The following MDN1 variants were observed in gnomAD, a reference collection of about 807,000 sequenced individuals.
MDN1 encodes midasin AAA ATPase 1, also known as midasin.
In MDN1, 266 loss-of-function variants were observed where a neutral mutation model predicts 669.2. The ratio of observed to expected loss-of-function variants is 0.40; its 90% CI spans 0.36 to 0.44. The LOEUF is 0.44. Among genes scored for constraint, MDN1 ranks in the 20% least tolerant of loss-of-function variants. The pLI is 1.00. For synonymous variants in MDN1, 2,385 were observed against 2,457.1 expected (o/e 0.97, Z 0.87); for missense variants, 5,940 against 6,754.0 (o/e 0.88, Z 4.22).
intron 1 of MDN1, among the ~76,000 whole-genome samples, chr6:89,819,173 G>A (rs1486604538): frequency 6.6e-6 from 1 of 152,168 alleles, no homozygotes; most frequent in Non-Finnish European, 1.5e-5. Flanking sequence ...TGTCAAAACG[G>A]CAGAAACGCA....
Position 89,690,761 on chromosome 6 carries a change from C to T in MDN1, c.10661G>A (p.Arg3554Lys), listed in dbSNP as rs941387776. Reference protein sequence around the residue: ...EKAEQESGLYRYRSRNSRTAL... With the variant: ...EKAEQESGLYKYRSRNSRTAL... ...TGTCCTAGAGTTCCTGCTCCTGTAT[C>T]TATACAGGCCGCTTTCCTGCTCAGC... The change falls in exon 64 of 102, where the codon AGA becomes AAA. Residue 3554 changes from arginine to lysine, a missense_variant. Arg to Lys is a conservative substitution (Grantham distance 26). This residue lies in a region of MDN1 where 2,280 missense variants were observed against 2,576.3 expected (regional missense o/e 0.88). Transcript: ENST00000369393. 1 of 1,614,128 alleles carries T rather than the reference C, an allele frequency of 6.2e-7. No homozygotes were observed. The highest frequency in any genetic ancestry group is 8.5e-7 in the Non-Finnish European group (1 of 1,179,976).
Position 89,761,647 on chromosome 6 carries a change from C to T in MDN1, c.2458G>A (p.Glu820Lys). The change falls in exon 17 of 102, where the codon GAG (glutamate) becomes AAG (lysine). Residue 820 changes from glutamate to lysine, a missense_variant and splice_region_variant. Around this residue, in one of 5 missense-constraint regions of MDN1, gnomAD observed 1,203 missense variants for 1,268.9 expected, o/e 0.95. Coordinates refer to ENST00000369393, the MANE Select transcript of MDN1 (RefSeq NM_014611.3). The stretch of plus-strand genomic sequence containing the variant: ...CTAAATAACAAAAACAGAAATACCT[C>T]TACAAATGCGAACAATAAGGTATTT... Reference protein sequence around the residue: ...TENTLLFAFVEGTLAQAVKKG... With the variant: ...TENTLLFAFVKGTLAQAVKKG... The T allele has an allele frequency of 1.9e-6, 3 of 1,603,142 alleles. No individual in the cohort carries two copies. Among genetic ancestry groups the T allele is most frequent in the Non-Finnish European group, 1.7e-6 (2 of 1,173,374 alleles).
At chr6:89,706,303 G>T in intron 52 of MDN1, 111 bp from the exon 53 acceptor site, 1 of 1,173,398 alleles carries the variant, frequency 8.5e-7, no homozygotes, top group Non-Finnish European at 1.1e-6. Context: ...CCAGTACAAA[G>T]GTCAATTTTG....
At chr6:89,730,621 G>T in intron 35 of MDN1, 105 bp downstream of exon 35, 1 of 852,236 alleles carries the variant, frequency 1.2e-6, no homozygotes, top group Non-Finnish European at 1.8e-6. Flanking sequence ...CTCAGTTAGT[G>T]CAAATATAAT....
At chr6:89,717,484 C>A (rs1441138612) in intron 43 of MDN1, among the ~76,000 whole-genome samples, 1 of 152,104 alleles carries the variant, frequency 6.6e-6, no homozygotes, top group Non-Finnish European at 1.5e-5. Context: ...ATAATCCTTC[C>A]TATAATGCAG....
At chr6:89,667,320 C>T (rs557177140) in intron 84 of MDN1, among the ~76,000 whole-genome samples, 24 of 151,952 alleles carry the variant, frequency 1.6e-4, no homozygotes, top group African/African-American at 4.8e-4. Context: ...TAAATACTAG[C>T]ATTATTCTTT....
At chr6:89,704,045 T>C (rs1052367330) in intron 53 of MDN1, among the ~76,000 whole-genome samples, 1 of 150,460 alleles carries the variant, frequency 6.6e-6, no homozygotes, top group African/African-American at 2.4e-5. Context: ...TGAGGATATA[T>C]GTTGCCATGA....
chr6:89,719,575 G>T (rs547020615), intron 40 of MDN1, among the ~76,000 whole-genome samples: 1 of 152,174 alleles, frequency 6.6e-6, no homozygotes, highest in East Asian at 1.9e-4. Context: ...CCTAAAAAGA[G>T]GATAGAACAG....
chr6:89,692,329 G>GC, intron 63 of MDN1, 114 bp downstream of exon 63: 1 of 889,630 alleles, frequency 1.1e-6, no homozygotes, highest in Non-Finnish European at 1.7e-6. Context: ...AAATGCCCAC[G>GC]CCCCAACGAC....
At chr6:89,747,796 GA>G (rs1816728715) in intron 26 of MDN1, among the ~76,000 whole-genome samples, 1 of 151,042 alleles carries the variant, frequency 6.6e-6, no homozygotes, top group Non-Finnish European at 1.5e-5. Context: ...GAGGCTGAGG[GA>G]GGAGAACCGC....
chr6:89,737,826 C>T (rs532385514), intron 33 of MDN1, among the ~76,000 whole-genome samples: 8 of 151,202 alleles, frequency 5.3e-5, no homozygotes, highest in African/African-American at 1.7e-4. Context: ...CAGGTTCAAG[C>T]GATTCTCCTG....
intron 92 of MDN1, 119 bp from the exon 93 acceptor site, chr6:89,654,453 C>T (rs1809105775): frequency 1.5e-6 from 2 of 1,308,224 alleles, no homozygotes; most frequent in South Asian, 1.4e-5. Flanking sequence ...GCAAGTTGTG[C>T]CACTGACCAG....
chr6:89,644,932 A>T, intron 101 of MDN1, 83 bp downstream of exon 101: 1 of 1,421,274 alleles, frequency 7.0e-7, no homozygotes, highest in Non-Finnish European at 9.6e-7. Context: ...TGACTGAGTG[A>T]TCCAGGCCAT....
chr6:89,680,001 GCCA>G (rs766351674), intron 74 of MDN1, among the ~76,000 whole-genome samples: 8 of 152,208 alleles, frequency 5.3e-5, no homozygotes, highest in Non-Finnish European at 1.0e-4. Flanking sequence ...TTAAAGGCAG[GCCA>G]CCCTCACTGA....
At chr6:89,776,118 C>T (rs1245394375) in intron 12 of MDN1, among the ~76,000 whole-genome samples, 2 of 152,132 alleles carry the variant, frequency 1.3e-5, no homozygotes, top group African/African-American at 4.8e-5. Flanking sequence ...AAAATAAATG[C>T]TCACTAAAAC....
rs780520012 is a variant in MDN1 at position 89,685,793 on chromosome 6, G to A, written c.11719+34C>T. 6 of 1,604,954 alleles carry A rather than the reference G, an allele frequency of 3.7e-6. No homozygotes were observed. In the East Asian group the frequency reaches 1.1e-4, roughly 30 times the overall value. ...TCAAAGCCTAACTCATTTTAGTCGTGCAATGTCAAAGGAAAGGAAAAAAAA... is the reference window on the plus strand; with the variant it reads ...TCAAAGCCTAACTCATTTTAGTCGTACAATGTCAAAGGAAAGGAAAAAAAA... On this transcript the variant is annotated intron_variant, in intron 70 of 101. Coordinates refer to ENST00000369393, the MANE Select transcript of MDN1 (RefSeq NM_014611.3).
intron 96 of MDN1, among the ~76,000 whole-genome samples, 154 bp from the exon 97 acceptor site, chr6:89,650,352 T>C (rs1808763998): frequency 6.6e-6 from 1 of 152,222 alleles, no homozygotes; most frequent in South Asian, 2.1e-4. Context: ...CGACTAAGGA[T>C]CTTCTTGACC....
In MDN1 at chr6:89,762,396, C is replaced by T. The variant is rs149391044; in HGVS notation, c.2279G>A (p.Arg760Gln). ...CATTAGTCTCAGGAGATCATGCCAC[C>T]GTTTCTGTCTGTAACAGGTCTGAAT... The part of the protein sequence containing the change: ...GHIQTCYRQK[R>Q]WHDLLRLMQH... Residue 760 changes from arginine (R) to glutamine (Q), a missense_variant, in exon 16 of 102, where the codon CGG becomes CAG. Coordinates refer to ENST00000369393, the MANE Select transcript of MDN1 (RefSeq NM_014611.3). The T allele has an allele frequency of 2.8e-5, 45 of 1,614,100 alleles. No individual in the cohort carries two copies. The African/African-American group carries it at 4.3e-4, about 15-fold the overall frequency.
chr6:89,804,681 A>G (rs1234159357), intron 1 of MDN1, among the ~76,000 whole-genome samples: 1 of 152,158 alleles, frequency 6.6e-6, no homozygotes, highest in Non-Finnish European at 1.5e-5. Flanking sequence ...CTAATAAATA[A>G]ACAAAAAACA....
Sources: allele counts gnomAD v4.1 joint callset (sites outside exome capture counted in the v4.1 genomes callset), GRCh38; gene constraint gnomAD v4.1.1; regional missense constraint gnomAD v4.1.1; transcripts MANE v1.5; gene names NCBI Gene and HGNC (gene_info 2026-07-23, HGNC 2026-07-21).